The following SYTL3 variants were observed in gnomAD, a reference collection of about 807,000 sequenced individuals.
The protein encoded by SYTL3 is synaptotagmin like 3.
Under a neutral mutation model 82.1 loss-of-function variants are expected in SYTL3, and 88 were observed. The ratio of observed to expected loss-of-function variants is 1.07; its 90% CI spans 0.90 to 1.28. The LOEUF is 1.28. SYTL3 is among the 50% of genes most tolerant of loss of function. The pLI is 0.00. For synonymous variants in SYTL3, 311 were observed against 289.4 expected (o/e 1.07, Z -0.76); for missense variants, 831 against 757.6 (o/e 1.10, Z -1.14).
chr6:158,689,946 G>A (rs552138527), intron 6 of SYTL3, among the ~76,000 whole-genome samples: 14 of 152,246 alleles, frequency 9.2e-5, no homozygotes, highest in African/African-American at 3.1e-4. Flanking sequence ...GAGCCACCAT[G>A]TTAACTCTTT....
chr6:158,651,597 A>G (rs1383676009), intron 1 of SYTL3, among the ~76,000 whole-genome samples, 156 bp from the exon 2 acceptor site: 3 of 151,988 alleles, frequency 2.0e-5, no homozygotes, highest in Non-Finnish European at 4.4e-5. Context: ...AAATAAATAA[A>G]TAAATAAATA....
intron 5 of SYTL3, among the ~76,000 whole-genome samples, chr6:158,667,369 G>A (rs1263523370): frequency 6.6e-6 from 1 of 152,164 alleles, no homozygotes; most frequent in Non-Finnish European, 1.5e-5. Flanking sequence ...TAAGGTCATT[G>A]CATTACTATG....
At chr6:158,647,138 A>G (rs1787530598), upstream of SYTL3, among the ~76,000 whole-genome samples, 1 of 152,256 alleles carries the variant, frequency 6.6e-6, no homozygotes, top group Non-Finnish European at 1.5e-5. Flanking sequence ...AATGTCTGCT[A>G]GGATGGTGCA....
rs933553184 is a variant in SYTL3 at position 158,665,694 on chromosome 6, G to A, written c.329+81G>A. The A allele has an allele frequency of 3.8e-6, 4 of 1,056,328 alleles. No homozygotes were observed. The African/African-American group carries it at 4.8e-5, about 13-fold the overall frequency. 65.4% of individuals were successfully genotyped at this position (1,056,328 alleles called of 1,614,324 possible). ...TCTTTACAAACCGCTCATAAAGAGA[G>A]CACTCACTCCTCACCTTCAGCCAGT... is the stretch of plus-strand genomic sequence containing the variant. On this transcript the variant is annotated intron_variant, in intron 5 of 17. Transcript: ENST00000611299.
intron 11 of SYTL3, among the ~76,000 whole-genome samples, chr6:158,735,628 A>G (rs1305309439): frequency 6.6e-6 from 1 of 152,196 alleles, no homozygotes; most frequent in East Asian, 1.9e-4. Context: ...GGATCGGAGT[A>G]AAAACAAAAA....
intron 2 of SYTL3, among the ~76,000 whole-genome samples, chr6:158,657,451 GAAAAAGA>G (rs1451829509): frequency 1.5e-5 from 2 of 137,388 alleles, no homozygotes; most frequent in South Asian, 2.3e-4. Flanking sequence ...AAAAAAGAGA[GAAAAAGA>G]AAAAAGAAAA....
chr6:158,693,001 TC>T (rs1234685526), intron 6 of SYTL3, among the ~76,000 whole-genome samples: 2 of 151,968 alleles, frequency 1.3e-5, no homozygotes, highest in East Asian at 3.9e-4. Flanking sequence ...GCTGACTCTA[TC>T]CCAGTGCCCT....
intron 6 of SYTL3, among the ~76,000 whole-genome samples, chr6:158,686,329 G>A (rs1199100789): frequency 6.6e-6 from 1 of 152,154 alleles, no homozygotes; most frequent in African/African-American, 2.4e-5. Context: ...TTCTATCAAT[G>A]TATAAAATAA....
intron 15 of SYTL3, 140 bp from the exon 16 acceptor site, chr6:158,761,936 T>G (rs530938849): frequency 3.2e-6 from 2 of 623,610 alleles, no homozygotes; most frequent in African/African-American, 3.7e-5. Context: ...CAGAGCCCAC[T>G]GCACCACTCC....
intron 6 of SYTL3, among the ~76,000 whole-genome samples, chr6:158,688,003 A>G (rs974511757): frequency 6.6e-6 from 1 of 152,160 alleles, no homozygotes; most frequent in African/African-American, 2.4e-5. Flanking sequence ...GCACAGATAG[A>G]CTTATCCAAT....
chr6:158,690,594 T>C (rs1779756204), intron 6 of SYTL3, among the ~76,000 whole-genome samples: 1 of 152,214 alleles, frequency 6.6e-6, no homozygotes, highest in Non-Finnish European at 1.5e-5. Context: ...TGTTGTGCTA[T>C]TTTTTCAACT....
intron 5 of SYTL3, among the ~76,000 whole-genome samples, chr6:158,665,877 A>G (rs745896164): frequency 6.6e-6 from 1 of 152,136 alleles, no homozygotes; most frequent in African/African-American, 2.4e-5. Flanking sequence ...TGGGAGGCCA[A>G]GGTGGGTGGA....
chr6:158,648,926 G>C (rs1187597449), upstream of SYTL3, among the ~76,000 whole-genome samples: 1 of 152,220 alleles, frequency 6.6e-6, no homozygotes, highest in Non-Finnish European at 1.5e-5. Flanking sequence ...ATTTAGATCT[G>C]CTATTGAGCT....
At chr6:158,673,440 AT>A (rs553781177) in intron 5 of SYTL3, among the ~76,000 whole-genome samples, 6,517 of 134,404 alleles carry the variant, frequency 0.048, 333 homozygotes, top group African/African-American at 0.12. Context: ...TGGGAATAGC[AT>A]TTTTTTTTTT....
chr6:158,736,347 G>A lies in SYTL3; in HGVS notation c.856-9133G>A, dbSNP rs1236094713. Among the ~76,000 whole-genome samples the A allele has an allele frequency of 1.3e-5, 2 of 151,744 alleles. 1 individual carries two copies. The highest frequency in any genetic ancestry group is 1.3e-4 in the Admixed American group (2 of 15,234). ...GCCTGGGCGACAAAGCGAGACTCCTGTCTCAAAAAAAGAAAAACTGTCAAC... is the reference window on the plus strand; with the variant it reads ...GCCTGGGCGACAAAGCGAGACTCCTATCTCAAAAAAAGAAAAACTGTCAAC... On this transcript the variant is annotated intron_variant, in intron 11 of 17. Coordinates refer to ENST00000611299, the MANE Select transcript of SYTL3 (RefSeq NM_001242394.2).
At position 158,671,665 on chromosome 6, in the gene SYTL3, G is replaced by A. The variant is rs1269951483; in HGVS notation, c.329+6052G>A. On this transcript the variant is annotated intron_variant, in intron 5 of 17. Coordinates refer to ENST00000611299, the MANE Select transcript of SYTL3 (RefSeq NM_001242394.2). Reference sequence around the variant, plus strand: ...CTGTAATCCCAGCTACTCTGGAGGAGGCTGAGGCAGGAGAATCTCTGGAAC... The same window carrying A: ...CTGTAATCCCAGCTACTCTGGAGGAAGCTGAGGCAGGAGAATCTCTGGAAC... Among the ~76,000 whole-genome samples, 7 of 151,360 alleles carry A rather than the reference G, an allele frequency of 4.6e-5. No individual in the cohort carries two copies. In the East Asian group the frequency reaches 1.4e-3, roughly 29 times the overall value.
chr6:158,754,082 C>T (rs938623496), intron 13 of SYTL3, among the ~76,000 whole-genome samples: 1 of 152,096 alleles, frequency 6.6e-6, no homozygotes, highest in Non-Finnish European at 1.5e-5. Flanking sequence ...AGGCTTTGTG[C>T]GACCTGAGGT....
intron 14 of SYTL3, among the ~76,000 whole-genome samples, chr6:158,760,342 C>T (rs564697173): frequency 2.0e-5 from 3 of 152,282 alleles, no homozygotes; most frequent in African/African-American, 4.8e-5. Context: ...TCTGGGTTTT[C>T]GTAGAAATGT....
At chr6:158,663,959 A>G (rs890324144) in intron 4 of SYTL3, among the ~76,000 whole-genome samples, 1 of 152,018 alleles carries the variant, frequency 6.6e-6, no homozygotes, top group African/African-American at 2.4e-5. Context: ...GTCTGTCTCT[A>G]AGCTGCACGG....
Sources: gnomAD v4.1 joint callset for allele counts (sites outside exome capture counted in the v4.1 genomes callset) on GRCh38, gnomAD v4.1.1 for gene constraint, MANE v1.5 for transcripts, NCBI Gene and HGNC (gene_info 2026-07-23, HGNC 2026-07-21) for gene names.